The following HERC1 variants were observed in gnomAD, a reference collection of about 807,000 sequenced individuals.
HERC1 encodes the protein HECT and RLD domain containing E3 ubiquitin protein ligase family member 1.
In HERC1, 160 loss-of-function variants were observed where a neutral mutation model predicts 554.3. The observed-to-expected ratio is 0.29, with a 90% CI of 0.25 to 0.33. The LOEUF (loss-of-function observed/expected upper bound fraction) is 0.33, where lower values mean the gene tolerates loss of function less well. HERC1 is among the 10% of genes least tolerant of loss of function. The pLI is 1.00. For missense variants in HERC1, 4,919 were observed against 5,918.5 expected, an observed-to-expected ratio of 0.83 and a Z score of 5.54; for synonymous variants, 2,175 against 2,131.7, an observed-to-expected ratio of 1.02 and a Z score of -0.56.
intron 34 of HERC1, among the ~76,000 whole-genome samples, chr15:63,681,170 G>C (rs982453101): frequency 6.7e-6 from 1 of 149,488 alleles, no homozygotes; most frequent in African/African-American, 2.4e-5. Flanking sequence ...CCTGAGACTA[G>C]GTGTATTGTT....
rs188492549 is a variant in HERC1 at position 63,680,528 on chromosome 15, T to A, written c.6465+9A>T. On this transcript the variant is annotated intron_variant, in intron 35 of 77. Coordinates refer to ENST00000443617, the MANE Select transcript of HERC1 (RefSeq NM_003922.4). This position sits in a 1 kb window ranked among gnomAD's most constrained non-coding sequence, Gnocchi z 5.8. ...GAAAAATGTAATGCTTGTGAATGGG[T>A]GTCGGTACCTCTCCATTTTTCCCAA... 46 of 1,613,002 alleles carry A rather than the reference T, an allele frequency of 2.9e-5. No homozygotes were observed. Among genetic ancestry groups the A allele is most frequent in the Non-Finnish European group, 1.7e-6 (2 of 1,179,412 alleles).
At chr15:63,650,524 C>A (rs1313509735) in intron 53 of HERC1, among the ~76,000 whole-genome samples, 3 of 151,752 alleles carry the variant, frequency 2.0e-5, no homozygotes, top group Admixed American at 2.0e-4. Flanking sequence ...CCCAAGCAAT[C>A]CTTGAGCCTC....
Position 63,758,768 on chromosome 15 carries a change from G to C in HERC1, c.1027-399C>G, listed in dbSNP as rs1022982741. Among the ~76,000 whole-genome samples, 2 of 152,036 alleles carry C rather than the reference G, an allele frequency of 1.3e-5. No homozygotes were observed. Among genetic ancestry groups the C allele is most frequent in the African/African-American group, 4.8e-5 (2 of 41,372 alleles). On this transcript the variant is annotated intron_variant, in intron 3 of 77. Transcript: ENST00000443617. The surrounding 1 kb of genome is among the most constrained non-coding windows in gnomAD (Gnocchi z 4.0). ...AATTATTTAACACAGTCACCACAGA[G>C]GATACATAAAAGTGACAAACTGCAC...
chr15:63,625,758 T>C (rs2068276330), intron 71 of HERC1, among the ~76,000 whole-genome samples: 1 of 151,750 alleles, frequency 6.6e-6, no homozygotes, highest in South Asian at 2.1e-4. Flanking sequence ...ACTTGATTTC[T>C]GGATAAACCA....
intron 74 of HERC1, 139 bp from the exon 75 acceptor site, chr15:63,616,821 T>G (rs1030328813): frequency 1.4e-6 from 1 of 735,102 alleles, no homozygotes; most frequent in Non-Finnish European, 2.2e-6. Context: ...CTAAAGTAAT[T>G]AAATAAAACT....
At chr15:63,708,800 T>C (rs368683020) in intron 24 of HERC1, among the ~76,000 whole-genome samples, 7 of 152,298 alleles carry the variant, frequency 4.6e-5, no homozygotes, top group South Asian at 2.1e-4. Flanking sequence ...GGGTAACATA[T>C]TTCAGCTGGA....
Position 63,713,640 on chromosome 15 carries a change from G to A in HERC1, c.4176C>T (p.Ala1392=). 6.2e-7 allele frequency: 1 copy of A among 1,611,548 alleles called. No homozygotes were observed. Residue 1392 remains alanine, a synonymous_variant, in exon 23 of 78, where the codon GCC becomes GCT. Transcript: ENST00000443617. ...GGTCTCGGCTACGAGCTACTTCACG[G>A]GCTGAGAGGAAACACTGAAAGATTT... is the stretch of plus-strand genomic sequence containing the variant. ...AGKIFQCFLS[A]REVARSRDRD...
intron 43 of HERC1, 112 bp from the exon 44 acceptor site, chr15:63,663,316 T>A: frequency 1.2e-6 from 1 of 859,530 alleles, no homozygotes; most frequent in Non-Finnish European, 1.9e-6. Flanking sequence ...AGTTGTCTTA[T>A]TGGATCTCAG....
chr15:63,741,751 T>G (rs1596123908), intron 12 of HERC1, among the ~76,000 whole-genome samples: 1 of 152,380 alleles, frequency 6.6e-6, no homozygotes, highest in East Asian at 1.9e-4. Context: ...TATTCTCTCA[T>G]GAAATAGTTT....
intron 61 of HERC1, 76 bp from the exon 62 acceptor site, chr15:63,638,852 C>G: frequency 1.0e-6 from 1 of 984,200 alleles, no homozygotes; most frequent in Non-Finnish European, 1.6e-6. Context: ...AAGTCCTCTT[C>G]TAATCATTAA....
intron 40 of HERC1, among the ~76,000 whole-genome samples, chr15:63,666,847 T>C (rs889862258): frequency 6.6e-6 from 1 of 152,236 alleles, no homozygotes; most frequent in Admixed American, 6.5e-5. Context: ...CCTCAACATA[T>C]GTGTTCACAG....
intron 38 of HERC1, among the ~76,000 whole-genome samples, 158 bp from the exon 39 acceptor site, chr15:63,672,852 C>G (rs370560212): frequency 1.5e-4 from 23 of 152,298 alleles, no homozygotes; most frequent in African/African-American, 4.6e-4. Flanking sequence ...AATATTCTTA[C>G]TTATATACAT....
In HERC1 at chr15:63,635,982, T is replaced by C; in HGVS notation, c.12393A>G (p.Leu4131=). ...RQRRPRQIEA[L]QGEEVVQMSC... ...TGACCTGCACCACTTCTTCTCCTTG[T>C]AAGGCCTCGATCTGCCTGGGCCGCC... Residue 4131 remains leucine, a synonymous_variant, in exon 65 of 78, where the codon TTA becomes TTG. Transcript: ENST00000443617. 4 of 1,614,002 alleles carry C rather than the reference T, an allele frequency of 2.5e-6. No individual in the cohort carries two copies. The highest frequency in any genetic ancestry group is 1.3e-5 in the African/African-American group (1 of 75,048).
At chr15:63,637,474 C>T in intron 64 of HERC1, 31 bp downstream of exon 64, 2 of 1,552,118 alleles carry the variant, frequency 1.3e-6, no homozygotes, top group Admixed American at 1.9e-5. Context: ...GCCTTAGGTT[C>T]TAACCATCTT....
rs922677825 is a variant in HERC1 at position 63,758,848 on chromosome 15, T to C, written c.1027-479A>G. 1.3e-4 allele frequency among the ~76,000 whole-genome samples: 20 copies of C among 152,048 alleles called. No individual in the cohort carries two copies. Among genetic ancestry groups the C allele is most frequent in the African/African-American group, 4.8e-4 (20 of 41,388 alleles). Reference sequence around the variant, plus strand: ...AGTCTTCATGATTGAATAGATAATATTCCATCTAGTAAAAAACATCACAAT... The same window carrying C: ...AGTCTTCATGATTGAATAGATAATACTCCATCTAGTAAAAAACATCACAAT... On this transcript the variant is annotated intron_variant, in intron 3 of 77. Coordinates refer to ENST00000443617, the MANE Select transcript of HERC1 (RefSeq NM_003922.4). The surrounding 1 kb of genome is among the most constrained non-coding windows in gnomAD (Gnocchi z 4.0).
At position 63,733,003 on chromosome 15, in the gene HERC1, C is replaced by A; in HGVS notation, c.2789G>T (p.Gly930Val). 2 of 1,613,890 alleles carry A rather than the reference C, an allele frequency of 1.2e-6. No individual in the cohort carries two copies. Among genetic ancestry groups the A allele is most frequent in the South Asian group, 2.2e-5 (2 of 91,084 alleles). ...GYGNLSDQPY[G>V]TQSCHPDTHL... ...GGTATCTGGATGGCAGCTCTGAGTG[C>A]CGTAAGGTTGATCTGACAGATTTCC... Residue 930 changes from glycine to valine, a missense_variant, in exon 14 of 78, where the codon GGC (glycine) becomes GTC (valine). By Grantham distance (109) the Gly-to-Val change is moderately radical. Coordinates refer to ENST00000443617, the MANE Select transcript of HERC1 (RefSeq NM_003922.4).
intron 45 of HERC1, 92 bp downstream of exon 45, chr15:63,661,661 T>C (rs549811816): frequency 1.7e-5 from 22 of 1,330,910 alleles, no homozygotes; most frequent in Admixed American, 3.8e-5. Context: ...GAAGGTTAAA[T>C]GTAACTCCTC....
At chr15:63,755,653 G>A (rs2075398086) in intron 5 of HERC1, among the ~76,000 whole-genome samples, 1 of 152,168 alleles carries the variant, frequency 6.6e-6, no homozygotes, top group Admixed American at 6.5e-5. Flanking sequence ...GGTGGCGCAT[G>A]TCTATAGTCC....
intron 2 of HERC1, among the ~76,000 whole-genome samples, chr15:63,766,507 G>C (rs983109508): frequency 6.6e-6 from 1 of 152,178 alleles, no homozygotes; most frequent in African/African-American, 2.4e-5. Context: ...AAAATCGCTT[G>C]AACCCAGGAG....
Sources: gnomAD v4.1 joint callset for allele counts (sites outside exome capture counted in the v4.1 genomes callset) on GRCh38, gnomAD v4.1.1 for gene constraint, Gnocchi (gnomAD v3.1) non-coding constraint, MANE v1.5 for transcripts, NCBI Gene and HGNC (gene_info 2026-07-23, HGNC 2026-07-21) for gene names.